The following GPHN variants were observed in gnomAD, a reference collection of about 807,000 sequenced individuals.
GPHN encodes the protein gephyrin.
GPHN carries 17 observed loss-of-function variants against 95.5 expected under a neutral mutation model. The ratio of observed to expected loss-of-function variants is 0.18; its 90% CI spans 0.12 to 0.27. The LOEUF (loss-of-function observed/expected upper bound fraction) is 0.27, where lower values mean the gene tolerates loss of function less well. Among genes scored for constraint, GPHN ranks in the 10% least tolerant of loss-of-function variants. GPHN has a pLI of 1.00. For missense variants in GPHN, 660 were observed against 978.1 expected (o/e 0.67, Z 4.34); for synonymous variants, 320 against 322.5 (o/e 0.99, Z 0.08).
chr14:66,907,842 G>A (rs1365686401), intron 5 of GPHN, among the ~76,000 whole-genome samples: 1 of 151,946 alleles, frequency 6.6e-6, no homozygotes, highest in Non-Finnish European at 1.5e-5. Flanking sequence ...TAAATGGATG[G>A]CAGGTAGTGA....
rs1318099751 is a variant in GPHN at position 67,042,383 on chromosome 14, TC to T, written c.1007-16264del. Among the ~76,000 whole-genome samples the T allele has an allele frequency of 9.8e-5, 15 of 152,330 alleles. No individual in the cohort carries two copies. The East Asian group carries it at 2.9e-3, about 29-fold the overall frequency. ...CTAGGTCTTATGTTTAAGTCTTTGATCCATCTTGAGTTGATTTTTGTATAAG... is the reference window on the plus strand; with the variant it reads ...CTAGGTCTTATGTTTAAGTCTTTGATCATCTTGAGTTGATTTTTGTATAAG... On this transcript the variant is annotated intron_variant, in intron 10 of 22. Coordinates refer to ENST00000478722, the MANE Select transcript of GPHN (RefSeq NM_020806.5).
intron 9 of GPHN, among the ~76,000 whole-genome samples, chr14:67,005,493 T>C (rs935165612): frequency 2.6e-5 from 4 of 151,968 alleles, no homozygotes; most frequent in Non-Finnish European, 5.9e-5. Context: ...TATATGGTGA[T>C]GTCTTTTCCA....
intron 1 of GPHN, among the ~76,000 whole-genome samples, chr14:66,665,379 CA>C (rs2065892538): frequency 6.6e-6 from 1 of 152,232 alleles, no homozygotes; most frequent in African/African-American, 2.4e-5. Context: ...CCAGAATCTA[CA>C]AAGAACTCAA....
At chr14:67,623,635 G>A in the GPHN span, among the ~76,000 whole-genome samples, 9 of 138,918 alleles carry the variant, frequency 6.5e-5, no homozygotes, top group African/African-American at 1.8e-4. Context: ...TCCGCCTCCC[G>A]GGTTCAAGCA....
the GPHN span, among the ~76,000 whole-genome samples, chr14:67,573,602 C>G: frequency 6.6e-6 from 1 of 152,190 alleles, no homozygotes; most frequent in Non-Finnish European, 1.5e-5. This position sits in a 1 kb window ranked among gnomAD's most constrained non-coding sequence, Gnocchi z 4.8. Context: ...GGGAGGTTCT[C>G]AGAAGGACCC....
the GPHN span, among the ~76,000 whole-genome samples, chr14:67,446,554 C>T: frequency 1.3e-5 from 2 of 152,176 alleles, no homozygotes; most frequent in East Asian, 3.9e-4. Flanking sequence ...AGCACGCCAG[C>T]CACTGCAGTC....
chr14:67,089,145 T>TTTTTTTTTTTTTTTTTTTTTTTTG, intron 12 of GPHN, 70 bp downstream of exon 12: 1 of 482,022 alleles, frequency 2.1e-6, no homozygotes, highest in Non-Finnish European at 3.6e-6. Context: ...TTTTTTTTTT[T>TTTTTTTTTTTTTTTTTTTTTTTTG]TTTTTTTTTT....
At chr14:66,885,673 G>A (rs931187346) in intron 5 of GPHN, among the ~76,000 whole-genome samples, 3 of 151,852 alleles carry the variant, frequency 2.0e-5, no homozygotes, top group Non-Finnish European at 4.4e-5. Context: ...TTCTCTTTTG[G>A]GACCCAGAAA....
intron 10 of GPHN, among the ~76,000 whole-genome samples, chr14:67,040,760 A>T (rs935997203): frequency 1.3e-5 from 2 of 152,100 alleles, no homozygotes; most frequent in African/African-American, 4.8e-5. Flanking sequence ...AATTCTTGTT[A>T]TACATTTGGT....
chr14:67,094,557 CT>C (rs1447423897), intron 12 of GPHN, among the ~76,000 whole-genome samples: 2 of 152,108 alleles, frequency 1.3e-5, no homozygotes, highest in African/African-American at 4.8e-5. Context: ...GGTTTACTTT[CT>C]TTTTTTCTTT....
the GPHN span, among the ~76,000 whole-genome samples, chr14:67,389,125 C>T: frequency 1.1e-4 from 16 of 151,976 alleles, no homozygotes; most frequent in Admixed American, 6.6e-5. Flanking sequence ...TTACACACCT[C>T]GTGCCTCAGG....
At chr14:66,900,261 T>C (rs992335055) in intron 5 of GPHN, among the ~76,000 whole-genome samples, 2 of 151,916 alleles carry the variant, frequency 1.3e-5, no homozygotes, top group African/African-American at 4.8e-5. Context: ...CTTTATTATT[T>C]CATTCCTTCT....
At chr14:67,269,456 T>C in the GPHN span, among the ~76,000 whole-genome samples, 1 of 152,152 alleles carries the variant, frequency 6.6e-6, no homozygotes, top group South Asian at 2.1e-4. Flanking sequence ...GTTTCCAATG[T>C]GTTATTGGAA....
intron 4 of GPHN, among the ~76,000 whole-genome samples, chr14:66,835,652 A>C (rs536602013): frequency 6.6e-6 from 1 of 152,130 alleles, no homozygotes; most frequent in Non-Finnish European, 1.5e-5. Context: ...GAGGAAGTCA[A>C]ATTGTCCGTG....
the GPHN span, among the ~76,000 whole-genome samples, chr14:67,544,853 T>C: frequency 6.6e-6 from 1 of 152,188 alleles, no homozygotes. Context: ...AATACAGCAG[T>C]TGAGACCTGG....
the GPHN span, among the ~76,000 whole-genome samples, chr14:67,621,658 T>A: frequency 1.3e-5 from 2 of 151,748 alleles, no homozygotes; most frequent in East Asian, 4.0e-4. Context: ...TTGGTCAGGC[T>A]GGTCTTGAAC....
chr14:67,228,486 T>C, the GPHN span: 3 of 174,634 alleles, frequency 1.7e-5, no homozygotes, highest in Admixed American at 1.3e-4. Flanking sequence ...AGACAATCAG[T>C]GCAAGAGGAA....
the GPHN span, among the ~76,000 whole-genome samples, chr14:67,483,402 C>G: frequency 1.9e-4 from 29 of 152,208 alleles, no homozygotes; most frequent in African/African-American, 6.8e-4. Flanking sequence ...CAGCACACTG[C>G]ACTGCCCCCG....
At chr14:67,117,968 C>T (rs2078786793) in intron 16 of GPHN, among the ~76,000 whole-genome samples, 1 of 152,002 alleles carries the variant, frequency 6.6e-6, no homozygotes, top group Non-Finnish European at 1.5e-5. Flanking sequence ...TTCATAATAC[C>T]AAAATCCTAA....
Sources: gnomAD v4.1 joint callset for allele counts (sites outside exome capture counted in the v4.1 genomes callset) on GRCh38, gnomAD v4.1.1 for gene constraint, Gnocchi (gnomAD v3.1) non-coding constraint, MANE v1.5 for transcripts, NCBI Gene and HGNC (gene_info 2026-07-23, HGNC 2026-07-21) for gene names.